GALNT16: variants seen among roughly 807,000 people sequenced by gnomAD.
The protein encoded by GALNT16 is polypeptide N-acetylgalactosaminyltransferase 16, also known as UDP-GalNAc:polypeptide N-acetylgalactosaminyltransferase-like protein 1.
In GALNT16, 40 loss-of-function variants were observed where a neutral mutation model predicts 76.1. That is an observed-to-expected ratio of 0.53 (90% CI 0.41 to 0.68). The LOEUF is 0.68. Ranked by LOEUF, GALNT16 falls within the 30% of genes least tolerant of loss-of-function variation. The pLI, the probability that GALNT16 is intolerant of heterozygous loss-of-function variation, is 0.00. For synonymous variants in GALNT16, 276 were observed against 285.2 expected, an observed-to-expected ratio of 0.97 and a Z score of 0.32; for missense variants, 621 against 731.9, an observed-to-expected ratio of 0.85 and a Z score of 1.75.
At chr14:69,270,935 G>A (rs1055511267) in intron 1 of GALNT16, among the ~76,000 whole-genome samples, 3 of 116,300 alleles carry the variant, frequency 2.6e-5, no homozygotes, top group Admixed American at 9.2e-5. Context: ...CACAAATACC[G>A]CACCAACCTA....
chr14:69,386,001 A>G, the GALNT16 span, among the ~76,000 whole-genome samples: 17 of 152,274 alleles, frequency 1.1e-4, no homozygotes, highest in African/African-American at 4.1e-4. Context: ...GGACTTCTAC[A>G]CTAGCTGTCC....
intron 1 of GALNT16, among the ~76,000 whole-genome samples, chr14:69,262,860 C>G (rs1813532625): frequency 6.7e-6 from 1 of 150,068 alleles, no homozygotes; most frequent in South Asian, 2.1e-4. Flanking sequence ...CACATTGATG[C>G]ACACAGCAAG....
intron 1 of GALNT16, among the ~76,000 whole-genome samples, chr14:69,275,402 A>C (rs1308400414): frequency 4.6e-5 from 7 of 152,246 alleles, no homozygotes; most frequent in African/African-American, 1.7e-4. Flanking sequence ...AAAGGAGCTG[A>C]AAAATATGAT....
intron 1 of GALNT16, among the ~76,000 whole-genome samples, chr14:69,303,065 A>G (rs1188437476): frequency 1.3e-5 from 2 of 152,216 alleles, no homozygotes; most frequent in African/African-American, 4.8e-5. Flanking sequence ...TTCATTACTT[A>G]TTATTTTATA....
chr14:69,332,304 G>A (rs750177099), intron 7 of GALNT16, among the ~76,000 whole-genome samples: 2 of 152,040 alleles, frequency 1.3e-5, no homozygotes, highest in Admixed American at 1.3e-4. Context: ...GGACTGTGAC[G>A]GGCTGTTCAG....
Position 69,333,221 on chromosome 14 carries a change from C to T in GALNT16, c.863+52C>T, listed in dbSNP as rs1435645581. ...ACCCCTTCCTTCCCTGGGTCAGGGG[C>T]CTGGGAGGCTCTTGGGAGGCTGTAT... On this transcript the variant is annotated intron_variant, in intron 8 of 14. Coordinates refer to ENST00000448469, the MANE Select transcript of GALNT16 (RefSeq NM_001168368.2). The surrounding 1 kb of genome is among the most constrained non-coding windows in gnomAD (Gnocchi z 4.2). The T allele has an allele frequency of 7.9e-7, 1 of 1,268,688 alleles. No individual in the cohort carries two copies. 78.6% of individuals were successfully genotyped at this position (1,268,688 alleles called of 1,614,324 possible). A position where few individuals can be genotyped will look rare whatever the true frequency, so the allele number is the denominator to read the frequency against.
At chr14:69,336,672 C>T (rs1259705161) in intron 9 of GALNT16, among the ~76,000 whole-genome samples, 2 of 152,156 alleles carry the variant, frequency 1.3e-5, no homozygotes, top group African/African-American at 4.8e-5. Context: ...ATGGCCCTAA[C>T]TACCATCTGA....
At chr14:69,320,969 T>G in intron 2 of GALNT16, 101 bp downstream of exon 2, 1 of 1,177,476 alleles carries the variant, frequency 8.5e-7, no homozygotes, top group Non-Finnish European at 1.2e-6. Flanking sequence ...GAGGATGATT[T>G]CCTCAGACTG....
intron 11 of GALNT16, among the ~76,000 whole-genome samples, chr14:69,340,533 G>A (rs112110879): frequency 0.043 from 6,445 of 151,354 alleles, 455 homozygotes; most frequent in African/African-American, 0.15. Context: ...CACCCAGGCT[G>A]GAGTGCAGTG....
At chr14:69,307,745 GA>G (rs2044957709) in intron 1 of GALNT16, among the ~76,000 whole-genome samples, 1 of 152,182 alleles carries the variant, frequency 6.6e-6, no homozygotes, top group Non-Finnish European at 1.5e-5. Context: ...AGGAACTTTA[GA>G]AAATATGTTT....
intron 5 of GALNT16, among the ~76,000 whole-genome samples, chr14:69,326,451 T>C (rs1260865783): frequency 6.6e-6 from 1 of 152,176 alleles, no homozygotes; most frequent in Non-Finnish European, 1.5e-5. Context: ...ACGAAGGAAG[T>C]ACAAAGCATA....
chr14:69,374,169 C>T, the GALNT16 span, among the ~76,000 whole-genome samples: 477 of 152,270 alleles, frequency 3.1e-3, 4 homozygotes, highest in African/African-American at 0.011. Flanking sequence ...ATGATTTCAG[C>T]CTCTCAGCCC....
In GALNT16 at chr14:69,261,096, G is replaced by A. The variant is rs1445295536; in HGVS notation, c.177+629G>A. ...TACGCGTCTCTCACTCCCAACCTTA[G>A]GGTCCGCCACCACGGGTAGGTGGGC... On this transcript the variant is annotated intron_variant, in intron 1 of 14. Transcript: ENST00000448469. This position sits in a 1 kb window ranked among gnomAD's most constrained non-coding sequence, Gnocchi z 6.4. Among the ~76,000 whole-genome samples the A allele has an allele frequency of 6.6e-6, 1 of 152,236 alleles. No homozygotes were observed. The highest frequency in any genetic ancestry group is 1.5e-5 in the Non-Finnish European group (1 of 68,044).
At chr14:69,307,019 G>T (rs902317826) in intron 1 of GALNT16, among the ~76,000 whole-genome samples, 1 of 152,102 alleles carries the variant, frequency 6.6e-6, no homozygotes, top group Non-Finnish European at 1.5e-5. Context: ...TGTCCCTCCC[G>T]GATCCAAAGC....
chr14:69,322,033 C>T (rs2045195487), intron 2 of GALNT16, among the ~76,000 whole-genome samples: 1 of 152,228 alleles, frequency 6.6e-6, no homozygotes, highest in African/African-American at 2.4e-5. Flanking sequence ...CCTTCCTTGT[C>T]ACTCACAGAT....
intron 1 of GALNT16, among the ~76,000 whole-genome samples, chr14:69,298,388 G>A (rs2140137284): frequency 6.6e-6 from 1 of 152,310 alleles, no homozygotes; most frequent in Non-Finnish European, 1.5e-5. Context: ...CTGGAGAAGT[G>A]GCCTATATCA....
At chr14:69,328,145 C>A (rs1376100304) in intron 5 of GALNT16, among the ~76,000 whole-genome samples, 1 of 152,126 alleles carries the variant, frequency 6.6e-6, no homozygotes, top group African/African-American at 2.4e-5. Context: ...TGGGATCAAA[C>A]TACTTTATTG....
At chr14:69,312,547 C>T (rs374159401) in intron 1 of GALNT16, among the ~76,000 whole-genome samples, 39 of 152,286 alleles carry the variant, frequency 2.6e-4, no homozygotes, top group Non-Finnish European at 4.6e-4. Context: ...CTTTGTCTCC[C>T]GTTAGGTGTG....
chr14:69,281,062 A>G (rs2044534933), intron 1 of GALNT16, among the ~76,000 whole-genome samples: 2 of 149,608 alleles, frequency 1.3e-5, no homozygotes, highest in South Asian at 4.2e-4. Context: ...CTGTGCACCA[A>G]CCCAACTGTG....
Sources: gnomAD v4.1 joint callset for allele counts (sites outside exome capture counted in the v4.1 genomes callset) on GRCh38, gnomAD v4.1.1 for gene constraint, Gnocchi (gnomAD v3.1) non-coding constraint, MANE v1.5 for transcripts, NCBI Gene and HGNC (gene_info 2026-07-23, HGNC 2026-07-21) for gene names.